The following TAMM41 variants were observed in gnomAD, a reference collection of about 807,000 sequenced individuals.
TAMM41 encodes phosphatidate cytidylyltransferase, mitochondrial.
TAMM41 carries 36 observed loss-of-function variants against 44.1 expected under a neutral mutation model. That is an observed-to-expected ratio of 0.82 (90% confidence interval 0.63 to 1.08). The LOEUF (loss-of-function observed/expected upper bound fraction) is 1.08, where lower values mean the gene tolerates loss of function less well. Ranked by LOEUF, TAMM41 falls within the 50% of genes least tolerant of loss-of-function variation. The pLI, the probability that TAMM41 is intolerant of heterozygous loss-of-function variation, is 0.00. For synonymous variants in TAMM41, 164 were observed against 153.1 expected (o/e 1.07, Z -0.53); for missense variants, 417 against 404.3 (o/e 1.03, Z -0.27).
At chr3:11,795,963 T>C (rs2077595048) in intron 7 of TAMM41, among the ~76,000 whole-genome samples, 5 of 152,214 alleles carry the variant, frequency 3.3e-5, no homozygotes, top group Admixed American at 3.3e-4. Context: ...GTTATTCTAC[T>C]AGCAGCACAG....
intron 4 of TAMM41, among the ~76,000 whole-genome samples, chr3:11,828,208 A>G (rs886905579): frequency 6.6e-6 from 1 of 151,920 alleles, no homozygotes; most frequent in African/African-American, 2.4e-5. Flanking sequence ...TACCTATGAA[A>G]GAGATCTACC....
the TAMM41 span, among the ~76,000 whole-genome samples, chr3:11,776,180 A>AT: frequency 6.0e-5 from 9 of 150,470 alleles, no homozygotes; most frequent in Admixed American, 6.0e-4. Context: ...CGCCCGGCTA[A>AT]TTTTTTGTAT....
At chr3:11,801,427 T>G (rs1267332608) in intron 7 of TAMM41, among the ~76,000 whole-genome samples, 1 of 152,134 alleles carries the variant, frequency 6.6e-6, no homozygotes, top group Non-Finnish European at 1.5e-5. Flanking sequence ...TTGGCTCAAG[T>G]GAGACTCCTG....
chr3:11,784,303 G>C, the TAMM41 span, among the ~76,000 whole-genome samples: 2 of 152,304 alleles, frequency 1.3e-5, no homozygotes, highest in African/African-American at 4.8e-5. Flanking sequence ...GAGACCAGCT[G>C]GTCAACATGG....
At chr3:11,835,585 T>G (rs1381826500) in intron 3 of TAMM41, among the ~76,000 whole-genome samples, 5 of 152,204 alleles carry the variant, frequency 3.3e-5, no homozygotes, top group African/African-American at 1.2e-4. Flanking sequence ...CTGAGCTCAT[T>G]TCCAGTGCTT....
chr3:11,815,010 C>A (rs959814633), intron 5 of TAMM41, among the ~76,000 whole-genome samples: 1 of 151,958 alleles, frequency 6.6e-6, no homozygotes, highest in African/African-American at 2.4e-5. Context: ...CACCAAGTGA[C>A]TGAATAATGA....
At chr3:11,763,782 G>A in the TAMM41 span, among the ~76,000 whole-genome samples, 6 of 152,190 alleles carry the variant, frequency 3.9e-5, no homozygotes, top group Non-Finnish European at 7.3e-5. Flanking sequence ...TCACACAATG[G>A]ATAAAGGGCG....
rs956559602 is a variant in TAMM41, at chr3:11,844,039, C to A, written c.308G>T (p.Cys103Phe). Residue 103 changes from cysteine (C) to phenylalanine (F), a missense_variant, in exon 2 of 8, where the codon TGT becomes TTT. Physicochemically the swap from Cys to Phe is radical, Grantham distance 205. Transcript: ENST00000455809. ...CCAGCAGTCACTTACCCTACCATTA[C>A]ACATGATCAATGAATTGTAGTAAAC... ...AGVYYNSLIM[C>F]NGRLIKYGVI... is the part of the protein sequence containing the mutation. 6.2e-7 allele frequency: 1 copy of A among 1,614,044 alleles called. No individual in the cohort carries two copies. The highest frequency in any genetic ancestry group is 1.1e-5 in the South Asian group (1 of 91,060).
chr3:11,824,357 A>ATTTTT (rs34155955), intron 4 of TAMM41, among the ~76,000 whole-genome samples: 5 of 105,130 alleles, frequency 4.8e-5, no homozygotes, highest in South Asian at 3.3e-4. Flanking sequence ...TGCCTGGCTA[A>ATTTTT]TTTTTTTTTT....
chr3:11,794,358 G>A (rs761865597), intron 7 of TAMM41, among the ~76,000 whole-genome samples: 7 of 151,892 alleles, frequency 4.6e-5, no homozygotes, highest in Non-Finnish European at 8.8e-5. Context: ...GGCTGGTCTT[G>A]AACCCTTGGC....
chr3:11,740,131 T>C, the TAMM41 span, among the ~76,000 whole-genome samples: 11 of 152,232 alleles, frequency 7.2e-5, no homozygotes, highest in African/African-American at 2.6e-4. Flanking sequence ...TTATTTTAAA[T>C]TAAAATGTCA....
chr3:11,809,460 C>A, intron 6 of TAMM41, 57 bp downstream of exon 6: 1 of 1,594,406 alleles, frequency 6.3e-7, no homozygotes, highest in Middle Eastern at 1.7e-4. Context: ...CAATCACAAA[C>A]AAAGTCTGCT....
intron 7 of TAMM41, among the ~76,000 whole-genome samples, chr3:11,793,637 A>C (rs1375096217): frequency 2.0e-5 from 3 of 152,240 alleles, no homozygotes; most frequent in Admixed American, 2.0e-4. Flanking sequence ...TTCACACAGC[A>C]GAATACTGCA....
chr3:11,752,674 C>CT, the TAMM41 span, among the ~76,000 whole-genome samples: 1 of 97,094 alleles, frequency 1.0e-5, no homozygotes, highest in Non-Finnish European at 1.9e-5. Flanking sequence ...GTCTTGCTCT[C>CT]TATCACCCAG....
chr3:11,842,474 G>C (rs935491405), intron 2 of TAMM41, among the ~76,000 whole-genome samples: 6 of 150,680 alleles, frequency 4.0e-5, no homozygotes, highest in African/African-American at 1.5e-4. Context: ...TGGGAGGACT[G>C]TTTGGGGTCA....
chr3:11,791,725 G>A (rs573057050), intron 7 of TAMM41, among the ~76,000 whole-genome samples: 33 of 152,230 alleles, frequency 2.2e-4, no homozygotes, highest in Admixed American at 5.9e-4. Flanking sequence ...TTAGAGCCTT[G>A]GAAAAGACCA....
At chr3:11,740,211 G>A in the TAMM41 span, among the ~76,000 whole-genome samples, 3 of 152,162 alleles carry the variant, frequency 2.0e-5, no homozygotes, top group East Asian at 3.9e-4. Flanking sequence ...ATGAAGATGC[G>A]TGTCATTACT....
At chr3:11,734,878 CAAAAAAA>C in the TAMM41 span, among the ~76,000 whole-genome samples, 68 of 73,274 alleles carry the variant, frequency 9.3e-4, no homozygotes, top group Middle Eastern at 8.5e-3. Context: ...TACTAAAATA[CAAAAAAA>C]AAAAAAAAAA....
the TAMM41 span, among the ~76,000 whole-genome samples, chr3:11,757,653 C>A: frequency 1.3e-5 from 2 of 152,248 alleles, no homozygotes; most frequent in Non-Finnish European, 2.9e-5. Context: ...GCCTGATGAA[C>A]TGCCGGCCAC....
Sources: gnomAD v4.1 joint callset for allele counts (sites outside exome capture counted in the v4.1 genomes callset) on GRCh38, gnomAD v4.1.1 for gene constraint, MANE v1.5 for transcripts, NCBI Gene and HGNC (gene_info 2026-07-23, HGNC 2026-07-21) for gene names.